DTHD1: variants seen among roughly 807,000 people sequenced by gnomAD.
DTHD1 encodes death domain-containing protein 1.
A neutral mutation model predicts 74.8 loss-of-function variants in DTHD1; 59 were observed. The observed-to-expected ratio is 0.79, with a 90% CI of 0.64 to 0.98. The LOEUF (loss-of-function observed/expected upper bound fraction) is 0.98, where lower values mean the gene tolerates loss of function less well. Among genes scored for constraint, DTHD1 ranks in the 50% least tolerant of loss-of-function variants. The pLI is 0.00. For synonymous variants in DTHD1, 365 were observed against 371.1 expected, an observed-to-expected ratio of 0.98 and a Z score of 0.19; for missense variants, 1,051 against 1,065.4, an observed-to-expected ratio of 0.99 and a Z score of 0.19.
chr4:36,325,842 T>C (rs746653525), intron 8 of DTHD1, among the ~76,000 whole-genome samples: 8 of 152,214 alleles, frequency 5.3e-5, no homozygotes, highest in Non-Finnish European at 1.0e-4. Flanking sequence ...AACACACAGA[T>C]GATAGCAACA....
At chr4:36,294,068 AAG>A (rs959697387) in intron 4 of DTHD1, among the ~76,000 whole-genome samples, 16 of 151,984 alleles carry the variant, frequency 1.1e-4, no homozygotes, top group Non-Finnish European at 1.8e-4. Context: ...GATGACAAAA[AAG>A]AGGACAATCA....
At chr4:36,328,617 C>T (rs561043878) in intron 8 of DTHD1, among the ~76,000 whole-genome samples, 1 of 152,296 alleles carries the variant, frequency 6.6e-6, no homozygotes, top group African/African-American at 2.4e-5. Flanking sequence ...TTGTCTAGTA[C>T]CCTGGTTTGT....
intron 5 of DTHD1, among the ~76,000 whole-genome samples, chr4:36,302,423 G>A (rs554161191): frequency 5.9e-5 from 9 of 152,268 alleles, no homozygotes; most frequent in South Asian, 2.1e-4. Context: ...AGGAGAGAAC[G>A]TTTCTCTCAG....
At chr4:36,290,188 A>C (rs1381396215) in intron 2 of DTHD1, among the ~76,000 whole-genome samples, 185 bp from the exon 3 acceptor site, 1 of 152,156 alleles carries the variant, frequency 6.6e-6, no homozygotes, top group Non-Finnish European at 1.5e-5. Context: ...TTATGTTATC[A>C]CCATTTTACC....
intron 6 of DTHD1, among the ~76,000 whole-genome samples, chr4:36,307,187 T>C (rs980914173): frequency 1.3e-5 from 2 of 152,114 alleles, no homozygotes; most frequent in Non-Finnish European, 1.5e-5. Flanking sequence ...AAGAGGTCTG[T>C]ATTAGTTTGT....
At chr4:36,310,891 T>A (rs557219328) in intron 7 of DTHD1, among the ~76,000 whole-genome samples, 2 of 151,986 alleles carry the variant, frequency 1.3e-5, no homozygotes, top group South Asian at 4.2e-4. Flanking sequence ...GAAGGAAGGG[T>A]GGAAGAGGCC....
At position 36,347,362 on chromosome 4, in the gene DTHD1, A is replaced by G. The variant is rs1759638235; in HGVS notation, c.*3538A>G. 1.3e-5 allele frequency among the ~76,000 whole-genome samples: 2 copies of G among 152,284 alleles called. No individual in the cohort carries two copies. Among genetic ancestry groups the G allele is most frequent in the Admixed American group, 1.3e-4 (2 of 15,276 alleles). ...GGCAATGGTTCATTCTCATTAATGTATAATATTCTATTATATGCATATATT... is the reference window on the plus strand; with the variant it reads ...GGCAATGGTTCATTCTCATTAATGTGTAATATTCTATTATATGCATATATT... On this transcript the variant is annotated 3_prime_UTR_variant, in exon 10 of 10. Transcript: ENST00000639862.
intron 3 of DTHD1, 97 bp downstream of exon 3, chr4:36,290,800 C>A: frequency 1.0e-6 from 1 of 972,626 alleles, no homozygotes; most frequent in Non-Finnish European, 1.5e-6. Flanking sequence ...AATTGCTCCA[C>A]TAGTAATAAA....
chr4:36,305,336 T>C lies in DTHD1; in HGVS notation c.1644-855T>C, dbSNP rs531081594. ...CAGTTCCATGTGGCTGGGGAGGCCT[T>C]GCAATCATGGTGGAAGGTGAAAGGC... is the stretch of plus-strand genomic sequence containing the variant. On this transcript the variant is annotated intron_variant, in intron 5 of 9. Coordinates refer to ENST00000639862, the MANE Select transcript of DTHD1 (RefSeq NM_001170700.3). 5.3e-5 allele frequency among the ~76,000 whole-genome samples: 8 copies of C among 152,254 alleles called. No homozygotes were observed. In the South Asian group the frequency reaches 1.5e-3, roughly 28 times the overall value.
At position 36,292,237 on chromosome 4, in the gene DTHD1, C is replaced by T. The variant is rs573197721; in HGVS notation, c.1219-1289C>T. 5.3e-5 allele frequency among the ~76,000 whole-genome samples: 8 copies of T among 152,058 alleles called. No individual in the cohort carries two copies. The East Asian group carries it at 1.5e-3, about 29-fold the overall frequency. On this transcript the variant is annotated intron_variant, in intron 3 of 9. Transcript: ENST00000639862. ...GTCTGTGTAACTATCACAATACAAG[C>T]AAAAACTGCTTGTAGCCCACTTGTC...
At chr4:36,319,045 G>A (rs1210908260) in intron 8 of DTHD1, among the ~76,000 whole-genome samples, 1 of 152,142 alleles carries the variant, frequency 6.6e-6, no homozygotes, top group Non-Finnish European at 1.5e-5. Flanking sequence ...GATGTCACTT[G>A]TTATTCTTAT....
chr4:36,295,198 A>G (rs1004693217), intron 5 of DTHD1, among the ~76,000 whole-genome samples, 159 bp downstream of exon 5: 2 of 152,180 alleles, frequency 1.3e-5, no homozygotes, highest in Non-Finnish European at 2.9e-5. Context: ...ACAAAAGGTA[A>G]TAATTTTAGC....
At chr4:36,310,645 G>A (rs1757343929) in intron 7 of DTHD1, among the ~76,000 whole-genome samples, 1 of 152,114 alleles carries the variant, frequency 6.6e-6, no homozygotes, top group African/African-American at 2.4e-5. Flanking sequence ...TCAGGAAATA[G>A]CTCCAAGCTT....
intron 5 of DTHD1, among the ~76,000 whole-genome samples, chr4:36,303,072 G>T (rs1756864898): frequency 6.6e-6 from 1 of 152,068 alleles, no homozygotes. Context: ...AGTACTGTCT[G>T]GGTGAGTCCC....
chr4:36,282,188 T>C lies in DTHD1; in HGVS notation c.271+159T>C, dbSNP rs58109425. ...GAAATAAGTTGAGACAAATGCACAA[T>C]AATGCCAGGGACATTGGGGCCAGTC... On this transcript the variant is annotated intron_variant, in intron 1 of 9. Transcript: ENST00000639862. Among the ~76,000 whole-genome samples, 959 of 152,238 alleles carry C rather than the reference T, an allele frequency of 6.3e-3. 8 individuals carry two copies. The highest frequency in any genetic ancestry group is 0.022 in the African/African-American group (912 of 41,534).
chr4:36,328,736 C>G (rs888301907), intron 8 of DTHD1, among the ~76,000 whole-genome samples: 2 of 152,194 alleles, frequency 1.3e-5, no homozygotes, highest in Non-Finnish European at 2.9e-5. Context: ...AAAAAAGACA[C>G]ATGACCACAT....
At chr4:36,291,403 A>T (rs1381448598) in intron 3 of DTHD1, among the ~76,000 whole-genome samples, 2 of 152,086 alleles carry the variant, frequency 1.3e-5, no homozygotes, top group Non-Finnish European at 2.9e-5. Flanking sequence ...ATGAAGAGAG[A>T]CGGAAGCCTA....
chr4:36,308,461 T>C lies in DTHD1; in HGVS notation c.2063T>C (p.Leu688Pro), dbSNP rs748005265. ...HFQVREGEQL[L>P]LRFTGNIFAS... ...CAAGTTCGAGAAGGAGAACAACTTC[T>C]TTTAAGATTTACTGGAAACATATTT... Residue 688 changes from leucine to proline, a missense_variant, in exon 7 of 10, where the codon CTT becomes CCT. Leu to Pro is a moderately conservative substitution (Grantham distance 98, BLOSUM62 -3). Coordinates refer to ENST00000639862, the MANE Select transcript of DTHD1 (RefSeq NM_001170700.3). 6.4e-7 allele frequency: 1 copy of C among 1,551,590 alleles called. No individual in the cohort carries two copies. The highest frequency in any genetic ancestry group is 1.4e-5 in the African/African-American group (1 of 73,174).
At position 36,324,830 on chromosome 4, in the gene DTHD1, A is replaced by G. The variant is rs917459256; in HGVS notation, c.2340+8344A>G. 8.5e-5 allele frequency among the ~76,000 whole-genome samples: 13 copies of G among 152,236 alleles called. 1 individual carries two copies. Among genetic ancestry groups the G allele is most frequent in the Admixed American group, 8.5e-4 (13 of 15,272 alleles). On this transcript the variant is annotated intron_variant, in intron 8 of 9. Transcript: ENST00000639862. ...GGCAGGAACTGATTGTTAATTGCAA[A>G]TGAATAGTAAGATGTTAAATGCTAG...
Sources: allele counts gnomAD v4.1 joint callset (sites outside exome capture counted in the v4.1 genomes callset), GRCh38; gene constraint gnomAD v4.1.1; transcripts MANE v1.5; gene names NCBI Gene and HGNC (gene_info 2026-07-23, HGNC 2026-07-21).